Variants in GLRA2 observed in about 807,000 individuals in gnomAD.
GLRA2 encodes glycine receptor subunit alpha-2.
GLRA2 carries 11 observed loss-of-function variants against 31.6 expected under a neutral mutation model. The ratio of observed to expected loss-of-function variants is 0.35; its 90% CI spans 0.22 to 0.58. The LOEUF is 0.58. GLRA2 is among the 20% of genes least tolerant of loss of function. The pLI, the probability that GLRA2 is intolerant of heterozygous loss-of-function variation, is 0.84. For missense variants in GLRA2, 212 were observed against 351.8 expected (o/e 0.60, Z 3.18); for synonymous variants, 132 against 134.0 (o/e 0.99, Z 0.10).
At chrX:14,694,771 CT>C (rs1270476778) in intron 8 of GLRA2, among the ~76,000 whole-genome samples, 11 of 112,372 alleles carry the variant, frequency 9.8e-5, no homozygotes, top group Admixed American at 9.4e-4. Context: ...AAAATGCAGC[CT>C]TTTGATGAAA....
At chrX:14,454,182 A>ACACCCACACACACC in the GLRA2 span, among the ~76,000 whole-genome samples, 9 of 70,487 alleles carry the variant, frequency 1.3e-4, no homozygotes, top group Non-Finnish European at 8.7e-5. Flanking sequence ...ACCCACACCC[A>ACACCCACACACACC]CACACCCACA....
intron 7 of GLRA2, among the ~76,000 whole-genome samples, chrX:14,622,304 C>T (rs1173267923): frequency 9.0e-6 from 1 of 111,570 alleles, no homozygotes; most frequent in Non-Finnish European, 1.9e-5. Flanking sequence ...TTCTCCCATT[C>T]TGTAGGTTTC....
chrX:14,470,188 G>A, the GLRA2 span, among the ~76,000 whole-genome samples: 1 of 111,595 alleles, frequency 9.0e-6, no homozygotes, highest in African/African-American at 3.2e-5. Context: ...TTTCTTACGA[G>A]AACTTTCAAA....
the GLRA2 span, among the ~76,000 whole-genome samples, chrX:14,493,545 TTA>T: frequency 2.1e-5 from 2 of 95,960 alleles, no homozygotes; most frequent in Non-Finnish European, 3.9e-5. Flanking sequence ...ATATATATAC[TTA>T]TATACATATA....
At chrX:14,596,374 A>G (rs747186457) in intron 4 of GLRA2, among the ~76,000 whole-genome samples, 1 of 110,768 alleles carries the variant, frequency 9.0e-6, no homozygotes, top group Non-Finnish European at 1.9e-5. Context: ...CACATCTACC[A>G]TATTCTTGGT....
At chrX:14,573,483 C>A (rs887495568) in intron 2 of GLRA2, among the ~76,000 whole-genome samples, 1 of 111,449 alleles carries the variant, frequency 9.0e-6, no homozygotes, top group African/African-American at 3.3e-5. Context: ...TAGTTCATGG[C>A]AATATTAGCT....
chrX:14,575,971 A>C (rs2062515844), intron 3 of GLRA2, among the ~76,000 whole-genome samples: 1 of 110,659 alleles, frequency 9.0e-6, no homozygotes, highest in Non-Finnish European at 1.9e-5. Flanking sequence ...ACAACCATTC[A>C]TTTGATAAAA....
chrX:14,582,189 G>C (rs112056230), intron 4 of GLRA2, among the ~76,000 whole-genome samples: 1,155 of 95,329 alleles, frequency 0.012, 12 homozygotes, highest in Non-Finnish European at 0.016. Context: ...TCTAGTATTA[G>C]GTATATCTCC....
chrX:14,498,717 A>G, the GLRA2 span, among the ~76,000 whole-genome samples: 1 of 111,243 alleles, frequency 9.0e-6, no homozygotes, highest in African/African-American at 3.3e-5. Context: ...ATTTATTACA[A>G]CAAACTGTAT....
chrX:14,650,799 C>T (rs1440119919), intron 7 of GLRA2, among the ~76,000 whole-genome samples: 1 of 111,689 alleles, frequency 9.0e-6, no homozygotes, highest in African/African-American at 3.3e-5. Flanking sequence ...ATTTATAAGG[C>T]TAGAGAAAGC....
In GLRA2 at chrX:14,581,766, G is replaced by GCACACACACA. The variant is rs57962541; in HGVS notation, c.494+391_494+400dup. Among the ~76,000 whole-genome samples the GCACACACACA allele has an allele frequency of 5.7e-3, 519 of 90,863 alleles. 2 individuals carry two copies. The highest frequency in any genetic ancestry group is 0.018 in the African/African-American group (451 of 24,632). The allele number at this position is 90,863 out of a possible 115,157, so 78.9% of individuals were successfully genotyped here. A position where few individuals can be genotyped will look rare whatever the true frequency, so the allele number is the denominator to read the frequency against. On this transcript the variant is annotated intron_variant, in intron 4 of 8. Coordinates refer to ENST00000218075, the MANE Select transcript of GLRA2 (RefSeq NM_002063.4). ...CTGCCATTCTGTAACATTCAAGCAT[G>GCACACACACA]CACACACACACACACACACACACAC...
intron 4 of GLRA2, among the ~76,000 whole-genome samples, chrX:14,582,517 T>C (rs757264062): frequency 9.0e-6 from 1 of 110,889 alleles, no homozygotes; most frequent in Non-Finnish European, 1.9e-5. Flanking sequence ...TAGCAGTTTA[T>C]CTGTGACTCT....
intron 2 of GLRA2, among the ~76,000 whole-genome samples, chrX:14,555,074 A>G (rs1410605799): frequency 8.9e-6 from 1 of 111,991 alleles, no homozygotes; most frequent in Non-Finnish European, 1.9e-5. Flanking sequence ...TTTTTACTAG[A>G]GCTTACTTAT....
intron 4 of GLRA2, among the ~76,000 whole-genome samples, chrX:14,585,231 C>G (rs1440803727): frequency 9.0e-6 from 1 of 111,481 alleles, no homozygotes; most frequent in Non-Finnish European, 1.9e-5. Flanking sequence ...AATTATTTGC[C>G]TAGAAGGGCT....
At chrX:14,659,802 C>CA (rs1451074000) in intron 7 of GLRA2, among the ~76,000 whole-genome samples, 1 of 112,142 alleles carries the variant, frequency 8.9e-6, no homozygotes, top group Non-Finnish European at 1.9e-5. Flanking sequence ...GTGAGTCCTA[C>CA]TATCACATCC....
intron 7 of GLRA2, among the ~76,000 whole-genome samples, chrX:14,623,718 A>G (rs2090550436): frequency 9.0e-6 from 1 of 111,479 alleles, no homozygotes; most frequent in African/African-American, 3.3e-5. Flanking sequence ...CATGGTGGAT[A>G]AGCTTTTTGA....
At chrX:14,682,900 A>G (rs1249663903) in intron 7 of GLRA2, among the ~76,000 whole-genome samples, 1 of 111,324 alleles carries the variant, frequency 9.0e-6, no homozygotes, top group Admixed American at 9.5e-5. Flanking sequence ...TTATGGCTGC[A>G]TAGTATTCCA....
chrX:14,700,794 C>G (rs2091529755), intron 8 of GLRA2, among the ~76,000 whole-genome samples: 1 of 109,564 alleles, frequency 9.1e-6, no homozygotes, highest in Non-Finnish European at 1.9e-5. Context: ...TTGGTTGGTT[C>G]TTTTGCTTTT....
chrX:14,463,042 C>G, the GLRA2 span, among the ~76,000 whole-genome samples: 2 of 111,486 alleles, frequency 1.8e-5, no homozygotes, highest in Non-Finnish European at 3.8e-5. Context: ...TGTGGATGTC[C>G]TTTTTGTTGA....
Sources: allele counts gnomAD v4.1 joint callset (sites outside exome capture counted in the v4.1 genomes callset), GRCh38; gene constraint gnomAD v4.1.1; transcripts MANE v1.5; gene names NCBI Gene and HGNC (gene_info 2026-07-23, HGNC 2026-07-21).